ACTL6B: variants seen among roughly 807,000 people sequenced by gnomAD.
ACTL6B encodes actin like 6B.
In ACTL6B, 48 loss-of-function variants were observed where a neutral mutation model predicts 63.3. The observed-to-expected ratio is 0.76, with a 90% CI of 0.60 to 0.96. The LOEUF is 0.96. Among genes scored for constraint, ACTL6B ranks in the 50% least tolerant of loss-of-function variants. The pLI, the probability that ACTL6B is intolerant of heterozygous loss-of-function variation, is 0.00. For missense variants in ACTL6B, 350 were observed against 572.2 expected (o/e 0.61, Z 3.96); for synonymous variants, 230 against 223.8 (o/e 1.03, Z -0.25).
At chr7:100,654,938 G>A (rs958211877) in intron 4 of ACTL6B, 81 bp downstream of exon 4, 1 of 1,206,152 alleles carries the variant, frequency 8.3e-7, no homozygotes, top group African/African-American at 1.5e-5. Context: ...AGTGGCTTGA[G>A]GGGAGAGGAG....
rs755138493 is a variant in ACTL6B, at chr7:100,646,577, G to A, written c.1087C>T (p.Arg363Ter). 2.5e-6 allele frequency: 4 copies of A among 1,614,064 alleles called. No homozygotes were observed. Among genetic ancestry groups the A allele is most frequent in the Admixed American group, 1.7e-5 (1 of 60,016 alleles). The change falls in exon 12 of 14, where the codon CGA becomes TGA. Residue 363 changes from arginine (R) to a stop codon, truncating the protein, a stop_gained. Transcript: ENST00000160382. LOFTEE classifies it high-confidence loss of function. The surrounding 1 kb of genome is among the most constrained non-coding windows in gnomAD (Gnocchi z 6.1). ...GGTGGGGTCTTCTGGGAAAGCTCTC[G>A]ATTGAGCCTGTCAGTGAAGCCCTGC... The part of the protein sequence containing the change: ...LLQGFTDRLN[R>*]ELSQKTPPSM...
rs766120005 is a variant in ACTL6B, at chr7:100,646,820, C to G, written c.948G>C (p.Gly316=). 1.9e-6 allele frequency: 3 copies of G among 1,612,734 alleles called. No individual in the cohort carries two copies. In the South Asian group the frequency reaches 3.3e-5, roughly 18 times the overall value. ...FDPSNVKGLS[G]NTMLGVGHVV... ...CGTGGCCCACACCCAACATGGTGTTCCCCGACAGGCCCTGCAGAGAGAGGT... is the reference window on the plus strand; with the variant it reads ...CGTGGCCCACACCCAACATGGTGTTGCCCGACAGGCCCTGCAGAGAGAGGT... The change falls in exon 11 of 14, where the codon GGG becomes GGC. Residue 316 remains glycine, a synonymous_variant. Transcript: ENST00000160382. This position sits in a 1 kb window ranked among gnomAD's most constrained non-coding sequence, Gnocchi z 6.1.
chr7:100,651,112 G>A (rs1305171004), intron 4 of ACTL6B, among the ~76,000 whole-genome samples: 3 of 152,094 alleles, frequency 2.0e-5, no homozygotes, highest in African/African-American at 7.2e-5. Context: ...GATATATGCT[G>A]GAAGAAGGAC....
chr7:100,649,850 C>T, intron 5 of ACTL6B, 188 bp downstream of exon 5: 1 of 556,574 alleles, frequency 1.8e-6, no homozygotes, highest in South Asian at 2.1e-5. Context: ...GCTGATCTGG[C>T]CACCCCAGAG....
Position 100,655,380 on chromosome 7 carries a change from G to A in ACTL6B, c.268+41C>T, listed in dbSNP as rs929645764. 1.3e-6 allele frequency: 2 copies of A among 1,595,008 alleles called. No homozygotes were observed. The highest frequency in any genetic ancestry group is 8.5e-7 in the Non-Finnish European group (1 of 1,169,778). On this transcript the variant is annotated intron_variant, in intron 3 of 13. Transcript: ENST00000160382. The surrounding 1 kb of genome is among the most constrained non-coding windows in gnomAD (Gnocchi z 4.4). Reference sequence around the variant, plus strand: ...CTATGACCCAGATTGTGGGGAGCGGGCTCCTTTTCTGTCAGGAGGTGATGG... The same window carrying A: ...CTATGACCCAGATTGTGGGGAGCGGACTCCTTTTCTGTCAGGAGGTGATGG...
chr7:100,650,013 C>A, intron 5 of ACTL6B, 25 bp downstream of exon 5: 1 of 1,609,418 alleles, frequency 6.2e-7, no homozygotes, highest in South Asian at 1.1e-5. Context: ...TCCACCCAGT[C>A]AGAGCAGCTC....
At chr7:100,649,055 C>T (rs1448770559) in intron 5 of ACTL6B, among the ~76,000 whole-genome samples, 3 of 150,652 alleles carry the variant, frequency 2.0e-5, no homozygotes, top group Non-Finnish European at 3.0e-5. Flanking sequence ...TGCAGTGGCG[C>T]AATCTCAGCT....
chr7:100,651,375 AC>A (rs1439665714), intron 4 of ACTL6B, among the ~76,000 whole-genome samples: 6 of 151,936 alleles, frequency 3.9e-5, no homozygotes, highest in African/African-American at 9.7e-5. Flanking sequence ...ACATGGTGAA[AC>A]CCCGTCTCTA....
At position 100,655,934 on chromosome 7, in the gene ACTL6B, G is replaced by T; in HGVS notation, c.26-55C>A. 1.3e-6 allele frequency: 2 copies of T among 1,513,084 alleles called. No homozygotes were observed. Among genetic ancestry groups the T allele is most frequent in the Non-Finnish European group, 1.8e-6 (2 of 1,120,194 alleles). 93.7% of individuals were successfully genotyped at this position (1,513,084 alleles called of 1,614,324 possible). On this transcript the variant is annotated intron_variant, in intron 1 of 13. Coordinates refer to ENST00000160382, the MANE Select transcript of ACTL6B (RefSeq NM_016188.5). The surrounding 1 kb of genome is among the most constrained non-coding windows in gnomAD (Gnocchi z 4.4). ...CCTCCCCCGAACTCTCTCCCGCTAG[G>T]TAGCTCCGAGAGAAAGTCAGGGCAG...
chr7:100,650,207 CCACT>C lies in ACTL6B; in HGVS notation c.370-76_370-73del, dbSNP rs769374312. On this transcript the variant is annotated intron_variant, in intron 4 of 13. Coordinates refer to ENST00000160382, the MANE Select transcript of ACTL6B (RefSeq NM_016188.5). ...AGACCCACATCCACGCACACGCAAC[CCACT>C]CACTCACACATACACTCACGGTCAC... is the stretch of plus-strand genomic sequence containing the variant. The C allele has an allele frequency of 4.8e-4, 628 of 1,305,268 alleles. 3 individuals are homozygous for C. Among genetic ancestry groups the C allele is most frequent in the African/African-American group, 8.7e-5 (6 of 68,662 alleles). 80.9% of individuals were successfully genotyped at this position (1,305,268 alleles called of 1,614,324 possible).
Position 100,650,029 on chromosome 7 carries a change from A to G in ACTL6B, c.467+9T>C. The G allele has an allele frequency of 6.2e-7, 1 of 1,613,210 alleles. No homozygotes were observed. Among genetic ancestry groups the G allele is most frequent in the African/African-American group, 1.3e-5 (1 of 75,046 alleles). On this transcript the variant is annotated intron_variant, in intron 5 of 13. Coordinates refer to ENST00000160382, the MANE Select transcript of ACTL6B (RefSeq NM_016188.5). ...CCACCCAGTCAGAGCAGCTCAGTCC[A>G]GAGGATACGCGGTGAGCACAGCCGT...
rs1352887575 is a variant in ACTL6B, at chr7:100,655,028, G to C, written c.360C>G (p.Ser120=). Residue 120 remains serine (S), a synonymous_variant, in exon 4 of 14, where the codon TCC becomes TCG. Transcript: ENST00000160382. This position sits in a 1 kb window ranked among gnomAD's most constrained non-coding sequence, Gnocchi z 4.4. ...TGGAGGAGGCACTCACCGGAGCCTC[G>C]GACATGAGCACTGGGTGCAGGTTTG... ...SEPNLHPVLM[S]EAPWNTRAKR... is the part of the protein sequence containing the mutation. 1 of 1,613,768 alleles carries C rather than the reference G, an allele frequency of 6.2e-7. No homozygotes were observed. The highest frequency in any genetic ancestry group is 1.1e-5 in the South Asian group (1 of 91,036).
chr7:100,655,717 G>A lies in ACTL6B; in HGVS notation c.102+86C>T, dbSNP rs774119461. On this transcript the variant is annotated intron_variant, in intron 2 of 13. Coordinates refer to ENST00000160382, the MANE Select transcript of ACTL6B (RefSeq NM_016188.5). This position sits in a 1 kb window ranked among gnomAD's most constrained non-coding sequence, Gnocchi z 4.4. Reference sequence around the variant, plus strand: ...TATTCCCGCTCAGCAGAGCTTCTGGGCGATCTGGGAGAGCCCTGGGTCACT... The same window carrying A: ...TATTCCCGCTCAGCAGAGCTTCTGGACGATCTGGGAGAGCCCTGGGTCACT... 57 of 1,515,896 alleles carry A rather than the reference G, an allele frequency of 3.8e-5. No individual in the cohort carries two copies. The highest frequency in any genetic ancestry group is 5.1e-5 in the Non-Finnish European group (57 of 1,127,006). The allele number at this position is 1,515,896 out of a possible 1,614,324, so 93.9% of individuals were successfully genotyped here. A position where few individuals can be genotyped will look rare whatever the true frequency, so the allele number is the denominator to read the frequency against.
intron 4 of ACTL6B, among the ~76,000 whole-genome samples, chr7:100,654,431 CCAT>C (rs1184089614): frequency 1.0e-3 from 103 of 103,320 alleles, no homozygotes; most frequent in South Asian, 1.7e-3. Flanking sequence ...CCAAAGTTGA[CCAT>C]AATAATAATA....
intron 13 of ACTL6B, 61 bp from the exon 14 acceptor site, chr7:100,643,387 G>T: frequency 1.3e-6 from 2 of 1,572,858 alleles, no homozygotes; most frequent in Non-Finnish European, 1.7e-6. Flanking sequence ...GGACAGGCAG[G>T]TGCAGCCCCT....
chr7:100,655,737 G>C lies in ACTL6B; in HGVS notation c.102+66C>G, dbSNP rs544414599. 2.3e-5 allele frequency: 35 copies of C among 1,532,668 alleles called. No individual in the cohort carries two copies. In the African/African-American group the frequency reaches 3.7e-4, roughly 16 times the overall value. 94.9% of individuals were successfully genotyped at this position (1,532,668 alleles called of 1,614,324 possible). A position where few individuals can be genotyped will look rare whatever the true frequency, so the allele number is the denominator to read the frequency against. On this transcript the variant is annotated intron_variant, in intron 2 of 13. Transcript: ENST00000160382. The surrounding 1 kb of genome is among the most constrained non-coding windows in gnomAD (Gnocchi z 4.4). Reference sequence around the variant, plus strand: ...TCTGGGCGATCTGGGAGAGCCCTGGGTCACTGGAAAGCCTGAAGAAGGGTC... The same window carrying C: ...TCTGGGCGATCTGGGAGAGCCCTGGCTCACTGGAAAGCCTGAAGAAGGGTC...
In ACTL6B at chr7:100,655,398, G is replaced by C. The variant is rs777721432; in HGVS notation, c.268+23C>G. ...GGAGCGGGCTCCTTTTCTGTCAGGA[G>C]GTGATGGGTGGGGGCCCCTTACTCA... On this transcript the variant is annotated intron_variant, in intron 3 of 13. Coordinates refer to ENST00000160382, the MANE Select transcript of ACTL6B (RefSeq NM_016188.5). This position sits in a 1 kb window ranked among gnomAD's most constrained non-coding sequence, Gnocchi z 4.4. The C allele has an allele frequency of 7.5e-6, 12 of 1,610,356 alleles. No individual in the cohort carries two copies. The South Asian group carries it at 1.2e-4, about 16-fold the overall frequency.
rs1803823336 is a variant in ACTL6B at position 100,646,431 on chromosome 7, A to G, written c.1114-96T>C. ...GGAAGACTTGGGAAGCCACAGGGGC[A>G]GGGGTTCTGCTCTGGTGGCCAGAAC... On this transcript the variant is annotated intron_variant, in intron 12 of 13. Transcript: ENST00000160382. This position sits in a 1 kb window ranked among gnomAD's most constrained non-coding sequence, Gnocchi z 6.1. The G allele has an allele frequency of 2.6e-6, 4 of 1,549,636 alleles. No homozygotes were observed. In the Admixed American group the frequency reaches 5.2e-5, roughly 20 times the overall value.
In ACTL6B at chr7:100,655,410, G is replaced by A. The variant is rs1279433695; in HGVS notation, c.268+11C>T. On this transcript the variant is annotated intron_variant, in intron 3 of 13. Coordinates refer to ENST00000160382, the MANE Select transcript of ACTL6B (RefSeq NM_016188.5). This position sits in a 1 kb window ranked among gnomAD's most constrained non-coding sequence, Gnocchi z 4.4. ...TTTTCTGTCAGGAGGTGATGGGTGGGGGCCCCTTACTCATGCCATTCTTGA... is the reference window on the plus strand; with the variant it reads ...TTTTCTGTCAGGAGGTGATGGGTGGAGGCCCCTTACTCATGCCATTCTTGA... 5 of 1,612,740 alleles carry A rather than the reference G, an allele frequency of 3.1e-6. No individual in the cohort carries two copies. In the South Asian group the frequency reaches 3.3e-5, roughly 11 times the overall value.
Sources: gnomAD v4.1 joint callset for allele counts (sites outside exome capture counted in the v4.1 genomes callset) on GRCh38, gnomAD v4.1.1 for gene constraint, Gnocchi (gnomAD v3.1) non-coding constraint, MANE v1.5 for transcripts, NCBI Gene and HGNC (gene_info 2026-07-23, HGNC 2026-07-21) for gene names.